Variants in ATG16L1 observed in about 807,000 individuals in gnomAD.
The protein encoded by ATG16L1 is autophagy related 16 like 1, also known as autophagy-related protein 16-1.
Under a neutral mutation model 88.5 loss-of-function variants are expected in ATG16L1, and 37 were observed. The observed-to-expected ratio is 0.42, with a 90% CI of 0.32 to 0.55. The LOEUF is 0.55. Among genes scored for constraint, ATG16L1 ranks in the 20% least tolerant of loss-of-function variants. ATG16L1 has a pLI of 0.13. For missense variants in ATG16L1, 554 were observed against 752.8 expected, an observed-to-expected ratio of 0.74 and a Z score of 3.09; for synonymous variants, 301 against 281.0, an observed-to-expected ratio of 1.07 and a Z score of -0.71.
intron 12 of ATG16L1, among the ~76,000 whole-genome samples, chr2:233,288,482 A>G (rs1027083631): frequency 6.6e-6 from 1 of 151,972 alleles, no homozygotes; most frequent in Admixed American, 6.6e-5. Context: ...GGGTCTCACT[A>G]ATTTCCCCAG....
chr2:233,272,815 G>C (rs1178547935), intron 6 of ATG16L1, 151 bp from the exon 7 acceptor site: 8 of 658,732 alleles, frequency 1.2e-5, no homozygotes, highest in Non-Finnish European at 2.2e-5. Flanking sequence ...GAACATGGCA[G>C]CTCTTCCTTT....
In ATG16L1 at chr2:233,292,484, G is replaced by C. The variant is rs377473824; in HGVS notation, c.1628+50G>C. On this transcript the variant is annotated intron_variant, in intron 16 of 17. Coordinates refer to ENST00000392017, the MANE Select transcript of ATG16L1 (RefSeq NM_030803.7). ...AATTTGGTTCATCACAAAGAGTCCTGCATGGGCATTTTCCCACTGGGGATA... is the reference window on the plus strand; with the variant it reads ...AATTTGGTTCATCACAAAGAGTCCTCCATGGGCATTTTCCCACTGGGGATA... 8.0e-5 allele frequency: 128 copies of C among 1,609,856 alleles called. No homozygotes were observed. The African/African-American group carries it at 1.5e-3, about 19-fold the overall frequency.
intron 2 of ATG16L1, among the ~76,000 whole-genome samples, chr2:233,262,199 G>A (rs1439039825): frequency 6.6e-6 from 1 of 152,090 alleles, no homozygotes; most frequent in East Asian, 1.9e-4. Context: ...TCCTGTTAGC[G>A]CTGTCTTTGG....
intron 9 of ATG16L1, among the ~76,000 whole-genome samples, chr2:233,276,736 C>G (rs538663733): frequency 1.3e-5 from 2 of 152,158 alleles, no homozygotes; most frequent in Non-Finnish European, 2.9e-5. Flanking sequence ...CTCGGTCTCC[C>G]GAAGTGCTGG....
chr2:233,256,306 GT>G, intron 2 of ATG16L1, 111 bp downstream of exon 2: 3 of 909,368 alleles, frequency 3.3e-6, no homozygotes, highest in South Asian at 3.2e-5. Flanking sequence ...CTGTGTTCCA[GT>G]TTTTGTCAGC....
chr2:233,294,710 G>C lies in ATG16L1; in HGVS notation c.*360G>C, dbSNP rs1699693434. On this transcript the variant is annotated 3_prime_UTR_variant, in exon 18 of 18. Transcript: ENST00000392017. ...CCAAAATCAGCCCCCACATCAAGGT[G>C]GTGTTCTCTGTGCTTTCTCTCGTCC... 2 of 177,448 alleles carry C rather than the reference G, an allele frequency of 1.1e-5. No individual in the cohort carries two copies. Among genetic ancestry groups the C allele is most frequent in the South Asian group, 2.9e-4 (2 of 6,816 alleles). 11.0% of individuals were successfully genotyped at this position (177,448 alleles called of 1,614,324 possible).
At chr2:233,283,472 T>A (rs558319051) in intron 12 of ATG16L1, among the ~76,000 whole-genome samples, 100 of 137,666 alleles carry the variant, frequency 7.3e-4, no homozygotes, top group African/African-American at 2.5e-3. Context: ...AAAAAAAAAA[T>A]TTTTTTTTAA....
At position 233,293,423 on chromosome 2, in the gene ATG16L1, G is replaced by C; in HGVS notation, c.1730+66G>C. 4 of 1,446,086 alleles carry C rather than the reference G, an allele frequency of 2.8e-6. No homozygotes were observed. The South Asian group carries it at 4.6e-5, about 17-fold the overall frequency. 89.6% of individuals were successfully genotyped at this position (1,446,086 alleles called of 1,614,324 possible). ...CAAGGCCTTTGACTTCATCTCAGGG[G>C]TCATCCGGTTTAGACCTCAGTCGGC... is the stretch of plus-strand genomic sequence containing the variant. On this transcript the variant is annotated intron_variant, in intron 17 of 17. Coordinates refer to ENST00000392017, the MANE Select transcript of ATG16L1 (RefSeq NM_030803.7).
intron 2 of ATG16L1, among the ~76,000 whole-genome samples, chr2:233,257,734 T>A (rs2125203953): frequency 6.6e-6 from 1 of 152,240 alleles, no homozygotes; most frequent in Non-Finnish European, 1.5e-5. Flanking sequence ...GTGCTGGGCT[T>A]GGTGGCTCAC....
chr2:233,259,104 C>T (rs1323497694), intron 2 of ATG16L1, among the ~76,000 whole-genome samples: 3 of 152,074 alleles, frequency 2.0e-5, no homozygotes, highest in Non-Finnish European at 2.9e-5. Flanking sequence ...TTATTCATAA[C>T]GTGGCCAAGC....
chr2:233,289,445 G>A (rs1030908716), intron 12 of ATG16L1, among the ~76,000 whole-genome samples: 57 of 139,412 alleles, frequency 4.1e-4, no homozygotes, highest in Non-Finnish European at 7.1e-4. Flanking sequence ...GAGTACAATG[G>A]CACTATCATA....
chr2:233,290,172 G>T (rs1427733754), intron 13 of ATG16L1, 76 bp from the exon 14 acceptor site: 10 of 1,535,758 alleles, frequency 6.5e-6, no homozygotes. Flanking sequence ...CAAGTCAGTG[G>T]TTAGAGGGTG....
intron 5 of ATG16L1, among the ~76,000 whole-genome samples, chr2:233,266,616 G>C (rs993249601): frequency 6.6e-6 from 1 of 152,204 alleles, no homozygotes; most frequent in Non-Finnish European, 1.5e-5. Flanking sequence ...ATAGGAAAGA[G>C]TCTTTTAAAG....
intron 12 of ATG16L1, among the ~76,000 whole-genome samples, chr2:233,288,442 C>T (rs1699227058): frequency 1.3e-5 from 2 of 152,066 alleles, no homozygotes; most frequent in South Asian, 4.2e-4. Context: ...CCACCACACC[C>T]AGCTAATTCG....
chr2:233,253,720 G>A (rs1696576332), intron 1 of ATG16L1, among the ~76,000 whole-genome samples: 1 of 152,124 alleles, frequency 6.6e-6, no homozygotes, highest in Admixed American at 6.5e-5. Context: ...CCAGCAAATG[G>A]TTCTTTGCTT....
chr2:233,254,244 G>A (rs1305333966), intron 1 of ATG16L1, among the ~76,000 whole-genome samples: 3 of 152,238 alleles, frequency 2.0e-5, no homozygotes, highest in Admixed American at 6.5e-5. Context: ...GGGTGCTAGA[G>A]TAGCGAGTAA....
At chr2:233,269,913 A>G in intron 5 of ATG16L1, 89 bp from the exon 6 acceptor site, 2 of 1,331,334 alleles carry the variant, frequency 1.5e-6, no homozygotes, top group Non-Finnish European at 2.0e-6. Context: ...TGAATGTGTT[A>G]TTAGAACTGG....
chr2:233,258,604 G>A (rs1559378154), intron 2 of ATG16L1, among the ~76,000 whole-genome samples: 1 of 152,216 alleles, frequency 6.6e-6, no homozygotes, highest in Non-Finnish European at 1.5e-5. Context: ...ATTTCTATCT[G>A]ATTAAACCCT....
In ATG16L1 at chr2:233,292,107, C is replaced by G. The variant is rs73112047; in HGVS notation, c.1431-21C>G. 6,184 of 1,612,302 alleles carry G rather than the reference C, an allele frequency of 3.8e-3. 209 individuals carry two copies. In the African/African-American group the frequency reaches 0.073, roughly 19 times the overall value. ...TAGTTCTGGCCTACGTTACATTTCT[C>G]AGATCTGTTCTCCCTCTTAGATCAG... On this transcript the variant is annotated intron_variant, in intron 14 of 17. Coordinates refer to ENST00000392017, the MANE Select transcript of ATG16L1 (RefSeq NM_030803.7).
Sources: allele counts gnomAD v4.1 joint callset (sites outside exome capture counted in the v4.1 genomes callset), GRCh38; gene constraint gnomAD v4.1.1; transcripts MANE v1.5; gene names NCBI Gene and HGNC (gene_info 2026-07-23, HGNC 2026-07-21).